The following NAV1 variants were observed in gnomAD, a reference collection of about 807,000 sequenced individuals.
The protein encoded by NAV1 is neuron navigator 1.
Under a neutral mutation model 175.2 loss-of-function variants are expected in NAV1, and 18 were observed. The observed-to-expected ratio is 0.10, with a 90% confidence interval of 0.07 to 0.15. The LOEUF is 0.15. Ranked by LOEUF, NAV1 falls within the 10% of genes least tolerant of loss-of-function variation. The pLI is 1.00. For synonymous variants in NAV1, 897 were observed against 978.7 expected, an observed-to-expected ratio of 0.92 and a Z score of 1.56; for missense variants, 1,731 against 2,436.6, an observed-to-expected ratio of 0.71 and a Z score of 6.10.
chr1:201,795,642 T>C (rs1322223725), intron 15 of NAV1: 1 of 152,144 alleles, frequency 6.6e-6, no homozygotes, highest in Non-Finnish European at 1.5e-5. Flanking sequence ...AACCCCACTA[T>C]AATTATGCTT....
At chr1:201,659,550 G>T (rs1397638100) in intron 1 of NAV1, among the ~76,000 whole-genome samples, 1 of 152,220 alleles carries the variant, frequency 6.6e-6, no homozygotes, top group African/African-American at 2.4e-5. Context: ...AGCCTAGGAA[G>T]TTGAAACTGC....
intron 1 of NAV1, among the ~76,000 whole-genome samples, chr1:201,664,233 T>TC (rs1238196440): frequency 2.0e-5 from 3 of 152,146 alleles, no homozygotes; most frequent in Non-Finnish European, 4.4e-5. Flanking sequence ...TCCCAGCTAC[T>TC]CGGGAGGCTG....
chr1:201,609,926 AC>A (rs1323800385), intron 2 of NAV1, among the ~76,000 whole-genome samples: 3 of 152,170 alleles, frequency 2.0e-5, no homozygotes, highest in Non-Finnish European at 1.5e-5. Flanking sequence ...TTCCCCAATG[AC>A]CTAGATATTT....
chr1:201,716,477 G>A (rs1007991329), intron 2 of NAV1, among the ~76,000 whole-genome samples: 1 of 152,184 alleles, frequency 6.6e-6, no homozygotes, highest in African/African-American at 2.4e-5. Context: ...TGGCTTCGGG[G>A]CACATCGGTT....
intron 3 of NAV1, among the ~76,000 whole-genome samples, chr1:201,721,477 C>T (rs1042760069): frequency 6.6e-6 from 1 of 152,232 alleles, no homozygotes; most frequent in Non-Finnish European, 1.5e-5. Context: ...TGGATTCCAG[C>T]GACTCTTTAA....
intron 1 of NAV1, among the ~76,000 whole-genome samples, chr1:201,562,171 A>ATTTTTTTTTTTTTTTTTT (rs566214709): frequency 7.9e-6 from 1 of 127,272 alleles, no homozygotes. Context: ...TGCCTGGCTA[A>ATTTTTTTTTTTTTTTTTT]TTTTTTTTTT....
At chr1:201,803,856 C>A in intron 16 of NAV1, 142 bp downstream of exon 20, 2 of 1,108,672 alleles carry the variant, frequency 1.8e-6, no homozygotes, top group Non-Finnish European at 2.5e-6. Flanking sequence ...CCGCTCAGAG[C>A]ATGGTCTCCC....
chr1:201,568,738 C>T (rs577507612), intron 1 of NAV1, among the ~76,000 whole-genome samples: 3 of 152,288 alleles, frequency 2.0e-5, no homozygotes, highest in South Asian at 2.1e-4. Context: ...GTTTGCACAG[C>T]GCCTGTCCCA....
intron 14 of NAV1, 195 bp downstream of exon 18, chr1:201,794,070 C>G: frequency 1.4e-6 from 1 of 702,452 alleles, no homozygotes; most frequent in Non-Finnish European, 2.6e-6. Context: ...CCTTCTCTAT[C>G]AAGTTTTGCA....
At chr1:201,596,017 G>A (rs1360356567) in intron 2 of NAV1, among the ~76,000 whole-genome samples, 1 of 152,242 alleles carries the variant, frequency 6.6e-6, no homozygotes, top group African/African-American at 2.4e-5. Flanking sequence ...AGCAGCCTGG[G>A]CTTAAATCTT....
intron 1 of NAV1, among the ~76,000 whole-genome samples, chr1:201,579,711 T>C (rs1302170548): frequency 6.6e-6 from 1 of 152,182 alleles, no homozygotes; most frequent in African/African-American, 2.4e-5. Flanking sequence ...GCTTTATATA[T>C]AATGTCCAGG....
At chr1:201,744,438 A>T (rs572067051) in intron 3 of NAV1, among the ~76,000 whole-genome samples, 23 of 152,276 alleles carry the variant, frequency 1.5e-4, no homozygotes, top group Non-Finnish European at 2.5e-4. Flanking sequence ...GCAGTAAGGC[A>T]GACCGTAGTC....
intron 2 of NAV1, among the ~76,000 whole-genome samples, chr1:201,612,597 C>T (rs566987826): frequency 1.1e-3 from 162 of 152,300 alleles, no homozygotes; most frequent in African/African-American, 3.7e-3. Context: ...TGTGTCCTCA[C>T]GTGGTGGAAG....
chr1:201,682,834 T>G (rs370872421), intron 1 of NAV1, among the ~76,000 whole-genome samples: 67 of 152,360 alleles, frequency 4.4e-4, no homozygotes, highest in African/African-American at 1.6e-3. Context: ...TTTTAATTTC[T>G]TACTAAACTT....
At chr1:201,741,281 T>C (rs1273607809) in intron 3 of NAV1, among the ~76,000 whole-genome samples, 1 of 152,096 alleles carries the variant, frequency 6.6e-6, no homozygotes, top group Non-Finnish European at 1.5e-5. Context: ...GCCCGCTGAC[T>C]CCAAACTTTT....
At chr1:201,772,822 A>G (rs941532139) in intron 3 of NAV1, among the ~76,000 whole-genome samples, 1 of 152,134 alleles carries the variant, frequency 6.6e-6, no homozygotes, top group Non-Finnish European at 1.5e-5. Context: ...TCACGAGGTC[A>G]GGAGATCGAG....
At chr1:201,648,578 C>A (rs542676143) in exon 1 of NAV1, 20 of 1,258,216 alleles carry the variant, frequency 1.6e-5, no homozygotes, top group African/African-American at 1.6e-5. Flanking sequence ...CCCTCCTCCT[C>A]CCCCGCCTCC....
chr1:201,819,190 T>C (rs1161422297), intron 29 of NAV1, among the ~76,000 whole-genome samples: 2 of 152,184 alleles, frequency 1.3e-5, no homozygotes, highest in Admixed American at 1.3e-4. Flanking sequence ...CTCACATTCC[T>C]CCCAGTATTC....
rs1447768156 is a variant in NAV1, at chr1:201,810,183, C to T, written c.4561+78C>T. 5 of 1,545,692 alleles carry T rather than the reference C, an allele frequency of 3.2e-6. 1 individual carries two copies. The African/African-American group carries it at 6.8e-5, about 21-fold the overall frequency. ...ATCATCAAATAATCCATCATGCATT[C>T]ATTCACCAAGAACTCACTGAGAAGG... On this transcript the variant is annotated intron_variant, in intron 23 of 29. Transcript: ENST00000367296. This position sits in a 1 kb window ranked among gnomAD's most constrained non-coding sequence, Gnocchi z 6.0.
Sources: gnomAD v4.1 joint callset for allele counts (sites outside exome capture counted in the v4.1 genomes callset) on GRCh38, gnomAD v4.1.1 for gene constraint, Gnocchi (gnomAD v3.1) non-coding constraint, MANE v1.5 for transcripts, NCBI Gene and HGNC (gene_info 2026-07-23, HGNC 2026-07-21) for gene names.